Variants in MYO16 observed in about 807,000 individuals in gnomAD.
The protein encoded by MYO16 is myosin XVI.
In MYO16, 94 loss-of-function variants were observed where a neutral mutation model predicts 205.3. The ratio of observed to expected loss-of-function variants is 0.46; its 90% CI spans 0.39 to 0.54. The LOEUF (loss-of-function observed/expected upper bound fraction) is 0.54, where lower values mean the gene tolerates loss of function less well. Among genes scored for constraint, MYO16 ranks in the 20% least tolerant of loss-of-function variants. The probability of loss-of-function intolerance (pLI) is 0.00; values close to 1 mark genes in which losing one functional copy is unlikely to be tolerated. For missense variants in MYO16, 2,315 were observed against 2,387.5 expected, an observed-to-expected ratio of 0.97 and a Z score of 0.63; for synonymous variants, 988 against 954.0, an observed-to-expected ratio of 1.04 and a Z score of -0.66.
the MYO16 span, among the ~76,000 whole-genome samples, chr13:108,566,735 G>A: frequency 1.3e-4 from 18 of 134,232 alleles, no homozygotes; most frequent in African/African-American, 3.4e-4. Context: ...GGAAGGAAGG[G>A]AGGAAGGAAG....
chr13:108,571,765 T>C, the MYO16 span, among the ~76,000 whole-genome samples: 3 of 148,414 alleles, frequency 2.0e-5, no homozygotes, highest in Non-Finnish European at 4.5e-5. Context: ...TCAAGGGCTT[T>C]TCTATATTTG....
At chr13:109,134,740 G>A (rs112517994) in intron 31 of MYO16, among the ~76,000 whole-genome samples, 114 of 152,258 alleles carry the variant, frequency 7.5e-4, no homozygotes, top group African/African-American at 2.7e-3. Context: ...AGTTTTGGGA[G>A]GTGAGCAAAC....
intron 16 of MYO16, among the ~76,000 whole-genome samples, chr13:108,951,667 G>T (rs909037485): frequency 7.2e-5 from 11 of 152,094 alleles, no homozygotes; most frequent in Admixed American, 3.3e-4. Context: ...TTAAAATTTG[G>T]AGTGAAGAAA....
chr13:109,081,216 T>C (rs114664231), intron 27 of MYO16, among the ~76,000 whole-genome samples: 2,649 of 152,274 alleles, frequency 0.017, 70 homozygotes, highest in African/African-American at 0.061. Flanking sequence ...ACATAATTCA[T>C]TGAAATATTT....
intron 1 of MYO16, among the ~76,000 whole-genome samples, chr13:108,638,308 T>G (rs911790693): frequency 6.6e-6 from 1 of 152,200 alleles, no homozygotes; most frequent in Admixed American, 6.5e-5. Flanking sequence ...TTTTTGTTAA[T>G]TCCTCCCAAA....
At chr13:109,113,905 A>T (rs557332708) in intron 28 of MYO16, among the ~76,000 whole-genome samples, 1 of 152,332 alleles carries the variant, frequency 6.6e-6, no homozygotes, top group African/African-American at 2.4e-5. Flanking sequence ...CCTATGAAAC[A>T]TCGACATAAA....
intron 2 of MYO16, among the ~76,000 whole-genome samples, chr13:108,698,586 T>C (rs1883178789): frequency 6.6e-6 from 1 of 152,182 alleles, no homozygotes; most frequent in Admixed American, 6.5e-5. Context: ...AAATGCATGA[T>C]GAAACTGCAG....
chr13:109,057,459 G>A (rs576655180), intron 27 of MYO16, among the ~76,000 whole-genome samples: 4 of 152,110 alleles, frequency 2.6e-5, no homozygotes, highest in African/African-American at 9.7e-5. Flanking sequence ...CTACAAAGTT[G>A]GGCTTACACA....
At chr13:108,866,654 C>T (rs996887811) in intron 12 of MYO16, among the ~76,000 whole-genome samples, 1 of 152,148 alleles carries the variant, frequency 6.6e-6, no homozygotes, top group Non-Finnish European at 1.5e-5. Flanking sequence ...TTTACGTTTT[C>T]CCAAATGACT....
At chr13:109,054,345 G>A (rs183326022) in intron 25 of MYO16, 494 of 375,656 alleles carry the variant, frequency 1.3e-3, no homozygotes, top group African/African-American at 9.0e-3. Flanking sequence ...GTTATAAAAC[G>A]AGGAAGAGGA....
intron 1 of MYO16, among the ~76,000 whole-genome samples, chr13:108,636,346 CTTTTTTT>C (rs71125326): frequency 0.035 from 2,820 of 81,210 alleles, 81 homozygotes; most frequent in African/African-American, 0.075. Flanking sequence ...AAATATTTCC[CTTTTTTT>C]TTTTTTTTTT....
intron 16 of MYO16, among the ~76,000 whole-genome samples, chr13:108,942,462 A>G (rs1190147531): frequency 6.6e-6 from 1 of 152,212 alleles, no homozygotes; most frequent in Admixed American, 6.5e-5. Context: ...GTTTCTGATC[A>G]AGTCAATTGT....
At chr13:109,136,066 CTTCCTTCCTTCT>C (rs1876760497) in intron 31 of MYO16, among the ~76,000 whole-genome samples, 1 of 151,020 alleles carries the variant, frequency 6.6e-6, no homozygotes, top group Non-Finnish European at 1.5e-5. Flanking sequence ...TCCTTCCTTC[CTTCCTTCCTTCT>C]TTCCTTCCTT....
At position 108,866,368 on chromosome 13, in the gene MYO16, ATGAT is replaced by A; in HGVS notation, c.1425+129_1425+132del. The A allele has an allele frequency of 7.5e-6, 4 of 533,682 alleles. No homozygotes were observed. In the South Asian group the frequency reaches 1.7e-4, roughly 23 times the overall value. 33.1% of individuals were successfully genotyped at this position (533,682 alleles called of 1,614,324 possible). On this transcript the variant is annotated intron_variant, in intron 12 of 34. Transcript: ENST00000457511. ...AAAACATTTTTAAATTCTGAATTGA[ATGAT>A]TGTGTAGCAGTGACTTTAATTCATT...
rs1040974876 is a variant in MYO16 at position 108,773,127 on chromosome 13, A to T, written c.508-12508A>T. On this transcript the variant is annotated intron_variant, in intron 4 of 34. Transcript: ENST00000457511. Reference sequence around the variant, plus strand: ...GAGCCGTTTAGGGTCTCTTTTATAAAGGCACCAATCCCAATCCTGAGAGCT... The same window carrying T: ...GAGCCGTTTAGGGTCTCTTTTATAATGGCACCAATCCCAATCCTGAGAGCT... Among the ~76,000 whole-genome samples the T allele has an allele frequency of 9.2e-5, 14 of 152,274 alleles. No individual in the cohort carries two copies. The South Asian group carries it at 2.5e-3, about 27-fold the overall frequency.
chr13:109,016,528 C>A (rs1885823626), intron 22 of MYO16, among the ~76,000 whole-genome samples: 1 of 152,150 alleles, frequency 6.6e-6, no homozygotes, highest in Admixed American at 6.5e-5. Flanking sequence ...TGTTAACTTT[C>A]TGTCTTGTTG....
At chr13:108,850,306 A>G (rs1281049337) in intron 10 of MYO16, among the ~76,000 whole-genome samples, 1 of 152,226 alleles carries the variant, frequency 6.6e-6, no homozygotes, top group East Asian at 1.9e-4. Context: ...CAACATGGTA[A>G]AGCCCATGGT....
chr13:109,032,163 GT>G (rs979648905), intron 23 of MYO16, among the ~76,000 whole-genome samples: 1 of 152,068 alleles, frequency 6.6e-6, no homozygotes, highest in African/African-American at 2.4e-5. Context: ...TGGTTTTGGG[GT>G]TGATTCCACA....
At chr13:108,861,304 C>A (rs1447998264) in intron 11 of MYO16, among the ~76,000 whole-genome samples, 1 of 152,006 alleles carries the variant, frequency 6.6e-6, no homozygotes, top group Admixed American at 6.6e-5. Context: ...TGTAGTATTC[C>A]TCTCATTATT....
Sources: allele counts gnomAD v4.1 joint callset (sites outside exome capture counted in the v4.1 genomes callset), GRCh38; gene constraint gnomAD v4.1.1; transcripts MANE v1.5; gene names NCBI Gene and HGNC (gene_info 2026-07-23, HGNC 2026-07-21).